The following H2BC17 variants were observed in gnomAD, a reference collection of about 807,000 sequenced individuals.
H2BC17 encodes the protein histone H2B type 1-O.
Under a neutral mutation model 6.1 loss-of-function variants are expected in H2BC17, and 11 were observed. The ratio of observed to expected loss-of-function variants is 1.79; its 90% confidence interval spans 1.13 to 2.97. H2BC17 has a LOEUF of 2.97. Ranked by LOEUF, H2BC17 falls within the 30% of genes most tolerant of loss-of-function variation. The pLI is 0.00. For synonymous variants in H2BC17, 103 were observed against 74.5 expected, an observed-to-expected ratio of 1.38 and a Z score of -1.97; for missense variants, 171 against 171.6, an observed-to-expected ratio of 1.00 and a Z score of 0.02.
At position 27,893,746 on chromosome 6, in the gene H2BC17, T is replaced by C. The variant is rs1414637178; in HGVS notation, c.284T>C (p.Ile95Thr). ...CGCTCGACCATCACCTCCAGGGAGA[T>C]CCAGACGGCCGTGCGCCTGCTGCTG... is the stretch of plus-strand genomic sequence containing the variant. Reference protein sequence around the residue: ...NKRSTITSREIQTAVRLLLPG... With the variant: ...NKRSTITSRETQTAVRLLLPG... The change falls in exon 1 of 1, where the codon ATC (isoleucine) becomes ACC (threonine). Residue 95 changes from isoleucine to threonine, a missense_variant. By Grantham distance (89) the Ile-to-Thr change is moderately conservative. Transcript: ENST00000616182. 1 of 1,614,214 alleles carries C rather than the reference T, an allele frequency of 6.2e-7. No homozygotes were observed. The highest frequency in any genetic ancestry group is 1.1e-5 in the South Asian group (1 of 91,088).
Position 27,893,482 on chromosome 6 carries a change from C to G in H2BC17, c.20C>G (p.Ser7Cys), listed in dbSNP as rs1178113641. ...TCCGCCATGCCCGACCCGGCTAAAT[C>G]TGCTCCTGCCCCCAAAAAGGGCTCC... MPDPAK[S>C]APAPKKGSKK... The change falls in exon 1 of 1, where the codon TCT becomes TGT. Residue 7 changes from serine to cysteine, a missense_variant. By Grantham distance (112) the Ser-to-Cys change is moderately radical (BLOSUM62 -1). Transcript: ENST00000616182. 2 of 1,609,548 alleles carry G rather than the reference C, an allele frequency of 1.2e-6. No homozygotes were observed. The highest frequency in any genetic ancestry group is 3.4e-5 in the Admixed American group (2 of 59,408).
Position 27,893,550 on chromosome 6 carries a change from C to A in H2BC17, c.88C>A (p.Arg30Ser). 6.2e-7 allele frequency: 1 copy of A among 1,614,222 alleles called. No individual in the cohort carries two copies. The highest frequency in any genetic ancestry group is 8.5e-7 in the Non-Finnish European group (1 of 1,180,044). Residue 30 changes from arginine (R) to serine (S), a missense_variant, in exon 1 of 1, where the codon CGC (arginine) becomes AGC (serine). By Grantham distance (110) the Arg-to-Ser change is moderately radical. Transcript: ENST00000616182. The stretch of plus-strand genomic sequence containing the variant: ...GGCCCAGAAAAAGGACGGCAAGAAG[C>A]GCAAGCGCAGCCGCAAAGAGAGTTA... ...TKAQKKDGKK[R>S]KRSRKESYSI...
In H2BC17 at chr6:27,893,453, C is replaced by T. The variant is rs140123204; in HGVS notation, c.-10C>T. On this transcript the variant is annotated 5_prime_UTR_variant, in exon 1 of 1. Coordinates refer to ENST00000616182, the MANE Select transcript of H2BC17 (RefSeq NM_003527.4). ...CTTGTTATTTGAGTGCTCTTTCACTCTCCTCCGCCATGCCCGACCCGGCTA... is the reference window on the plus strand; with the variant it reads ...CTTGTTATTTGAGTGCTCTTTCACTTTCCTCCGCCATGCCCGACCCGGCTA... 106 of 1,590,142 alleles carry T rather than the reference C, an allele frequency of 6.7e-5. 2 individuals carry two copies. Among genetic ancestry groups the T allele is most frequent in the African/African-American group, 4.3e-4 (32 of 74,068 alleles).
chr6:27,893,701 G>T lies in H2BC17; in HGVS notation c.239G>T (p.Arg80Leu). Residue 80 changes from arginine to leucine, a missense_variant, in exon 1 of 1, where the codon CGC (arginine) becomes CTC (leucine). Coordinates refer to ENST00000616182, the MANE Select transcript of H2BC17 (RefSeq NM_003527.4). ...IFERIAGEASRLAHYNKRSTI... is the reference protein window; with the variant it reads ...IFERIAGEASLLAHYNKRSTI... ...GAGCGCATCGCTGGCGAGGCTTCCC[G>T]CCTGGCGCATTACAACAAGCGCTCG... 4 of 1,614,246 alleles carry T rather than the reference G, an allele frequency of 2.5e-6. No individual in the cohort carries two copies. The East Asian group carries it at 8.9e-5, about 36-fold the overall frequency.
At position 27,893,516 on chromosome 6, in the gene H2BC17, C is replaced by A. The variant is rs769861263; in HGVS notation, c.54C>A (p.Ala18=). 1 of 1,613,828 alleles carries A rather than the reference C, an allele frequency of 6.2e-7. No homozygotes were observed. The highest frequency in any genetic ancestry group is 1.7e-5 in the Admixed American group (1 of 59,944). The stretch of plus-strand genomic sequence containing the variant: ...CCCCCAAAAAGGGCTCCAAGAAAGC[C>A]GTAACCAAGGCCCAGAAAAAGGACG... ...APAPKKGSKK[A]VTKAQKKDGK... Residue 18 remains alanine, a synonymous_variant, in exon 1 of 1, where the codon GCC becomes GCA. Coordinates refer to ENST00000616182, the MANE Select transcript of H2BC17 (RefSeq NM_003527.4).
Position 27,893,843 on chromosome 6 carries a change from AGCTCTC to A in H2BC17, c.*3_*8del, listed in dbSNP as rs781209849. The A allele has an allele frequency of 6.2e-7, 1 of 1,614,188 alleles. No individual in the cohort carries two copies. Among genetic ancestry groups the A allele is most frequent in the Admixed American group, 1.7e-5 (1 of 60,022 alleles). On this transcript the variant is annotated 3_prime_UTR_variant, in exon 1 of 1. Coordinates refer to ENST00000616182, the MANE Select transcript of H2BC17 (RefSeq NM_003527.4). Reference sequence around the variant, plus strand: ...TCACCAAGTACACCAGCTCCAAGTGAGCTCTCGCAGCTGCCAGCAATCCAAAGGCTC... The same window carrying A: ...TCACCAAGTACACCAGCTCCAAGTGAGCAGCTGCCAGCAATCCAAAGGCTC...
Position 27,893,701 on chromosome 6 carries a change from G to A in H2BC17, c.239G>A (p.Arg80His), listed in dbSNP as rs760156675. 6.2e-7 allele frequency: 1 copy of A among 1,614,128 alleles called. No individual in the cohort carries two copies. Among genetic ancestry groups the A allele is most frequent in the Non-Finnish European group, 8.5e-7 (1 of 1,180,054 alleles). The part of the protein sequence containing the change: ...IFERIAGEAS[R>H]LAHYNKRSTI... Reference sequence around the variant, plus strand: ...GAGCGCATCGCTGGCGAGGCTTCCCGCCTGGCGCATTACAACAAGCGCTCG... The same window carrying A: ...GAGCGCATCGCTGGCGAGGCTTCCCACCTGGCGCATTACAACAAGCGCTCG... The change falls in exon 1 of 1, where the codon CGC (arginine) becomes CAC (histidine). Residue 80 changes from arginine (R) to histidine (H), a missense_variant. Arg to His is a conservative substitution (Grantham distance 29). Transcript: ENST00000616182.
At position 27,893,493 on chromosome 6, in the gene H2BC17, C is replaced by T. The variant is rs749061095; in HGVS notation, c.31C>T (p.Pro11Ser). ...CGACCCGGCTAAATCTGCTCCTGCC[C>T]CCAAAAAGGGCTCCAAGAAAGCCGT... MPDPAKSAPA[P>S]KKGSKKAVTK... Residue 11 changes from proline to serine, a missense_variant, in exon 1 of 1, where the codon CCC becomes TCC. Physicochemically the swap from Pro to Ser is moderately conservative, Grantham distance 74. Transcript: ENST00000616182. 1.2e-6 allele frequency: 2 copies of T among 1,611,880 alleles called. No homozygotes were observed. The highest frequency in any genetic ancestry group is 1.7e-6 in the Non-Finnish European group (2 of 1,178,992).
chr6:27,893,828 C>A lies in H2BC17; in HGVS notation c.366C>A (p.Tyr122Ter). ...VSEGTKAVTK[Y>*]TSSK Reference sequence around the variant, plus strand: ...AGGGCACAAAGGCCGTCACCAAGTACACCAGCTCCAAGTGAGCTCTCGCAG... The same window carrying A: ...AGGGCACAAAGGCCGTCACCAAGTAAACCAGCTCCAAGTGAGCTCTCGCAG... The change falls in exon 1 of 1, where the codon TAC (tyrosine) becomes TAA (stop). Residue 122 changes from tyrosine to a stop codon, truncating the protein, a stop_gained. Coordinates refer to ENST00000616182, the MANE Select transcript of H2BC17 (RefSeq NM_003527.4). LOFTEE classifies it high-confidence loss of function. 6.2e-7 allele frequency: 1 copy of A among 1,614,246 alleles called. No homozygotes were observed. The highest frequency in any genetic ancestry group is 8.5e-7 in the Non-Finnish European group (1 of 1,180,044).
rs200586052 is a variant in H2BC17, at chr6:27,893,487, C to T, written c.25C>T (p.Pro9Ser). The T allele has an allele frequency of 1.1e-5, 17 of 1,611,070 alleles. No individual in the cohort carries two copies. In the South Asian group the frequency reaches 1.3e-4, roughly 13 times the overall value. Residue 9 changes from proline to serine, a missense_variant, in exon 1 of 1, where the codon CCT becomes TCT. By Grantham distance (74) the Pro-to-Ser change is moderately conservative (BLOSUM62 -1). Transcript: ENST00000616182. Reference protein sequence around the residue: MPDPAKSAPAPKKGSKKAV... With the variant: MPDPAKSASAPKKGSKKAV... ...CATGCCCGACCCGGCTAAATCTGCT[C>T]CTGCCCCCAAAAAGGGCTCCAAGAA...
At position 27,893,879 on chromosome 6, in the gene H2BC17, C is replaced by T; in HGVS notation, c.*36C>T. The T allele has an allele frequency of 6.2e-7, 1 of 1,612,772 alleles. No individual in the cohort carries two copies. Among genetic ancestry groups the T allele is most frequent in the Non-Finnish European group, 8.5e-7 (1 of 1,179,390 alleles). On this transcript the variant is annotated 3_prime_UTR_variant, in exon 1 of 1. Transcript: ENST00000616182. ...CTGCCAGCAATCCAAAGGCTCTTTTCAGAGCCACTCACGCTTCCAGAGAAA... is the reference window on the plus strand; with the variant it reads ...CTGCCAGCAATCCAAAGGCTCTTTTTAGAGCCACTCACGCTTCCAGAGAAA...
rs1761940885 is a variant in H2BC17, at chr6:27,893,567, A to G, written c.105A>G (p.Lys35=). The G allele has an allele frequency of 6.2e-7, 1 of 1,614,110 alleles. No homozygotes were observed. The highest frequency in any genetic ancestry group is 1.3e-5 in the African/African-American group (1 of 75,060). Residue 35 remains lysine, a synonymous_variant, in exon 1 of 1, where the codon AAA becomes AAG. Transcript: ENST00000616182. The stretch of plus-strand genomic sequence containing the variant: ...GCAAGAAGCGCAAGCGCAGCCGCAA[A>G]GAGAGTTACTCTATCTACGTGTACA... ...KDGKKRKRSR[K]ESYSIYVYKV...
chr6:27,893,774 CGGGGAG>C lies in H2BC17; in HGVS notation c.313_318del (p.Gly105_Glu106del). ...AGACGGCCGTGCGCCTGCTGCTGCCCGGGGAGCTGGCCAAGCACGCCGTGTCCGAGG... is the reference window on the plus strand; with the variant it reads ...AGACGGCCGTGCGCCTGCTGCTGCCCCTGGCCAAGCACGCCGTGTCCGAGG... On this transcript the variant is annotated inframe_deletion, in exon 1 of 1. Coordinates refer to ENST00000616182, the MANE Select transcript of H2BC17 (RefSeq NM_003527.4). The C allele has an allele frequency of 6.2e-7, 1 of 1,614,242 alleles. No homozygotes were observed. Among genetic ancestry groups the C allele is most frequent in the Admixed American group, 1.7e-5 (1 of 60,032 alleles).
In H2BC17 at chr6:27,893,436, T is replaced by C. The variant is rs761086497; in HGVS notation, c.-27T>C. 19 of 1,565,552 alleles carry C rather than the reference T, an allele frequency of 1.2e-5. No homozygotes were observed. The South Asian group carries it at 2.3e-4, about 19-fold the overall frequency. Reference sequence around the variant, plus strand: ...CCCAGCTTGTCCTCATTCTTGTTATTTGAGTGCTCTTTCACTCTCCTCCGC... The same window carrying C: ...CCCAGCTTGTCCTCATTCTTGTTATCTGAGTGCTCTTTCACTCTCCTCCGC... On this transcript the variant is annotated 5_prime_UTR_variant, in exon 1 of 1. Coordinates refer to ENST00000616182, the MANE Select transcript of H2BC17 (RefSeq NM_003527.4).
In H2BC17 at chr6:27,893,525, G is replaced by C. The variant is rs767028565; in HGVS notation, c.63G>C (p.Lys21Asn). The C allele has an allele frequency of 2.5e-6, 4 of 1,613,972 alleles. No individual in the cohort carries two copies. Among genetic ancestry groups the C allele is most frequent in the Non-Finnish European group, 3.4e-6 (4 of 1,179,992 alleles). Residue 21 changes from lysine to asparagine, a missense_variant, in exon 1 of 1, where the codon AAG (lysine) becomes AAC (asparagine). Coordinates refer to ENST00000616182, the MANE Select transcript of H2BC17 (RefSeq NM_003527.4). ...AGGGCTCCAAGAAAGCCGTAACCAA[G>C]GCCCAGAAAAAGGACGGCAAGAAGC... The part of the protein sequence containing the change: ...PKKGSKKAVT[K>N]AQKKDGKKRK...
chr6:27,893,861 C>A lies in H2BC17; in HGVS notation c.*18C>A. 1.2e-6 allele frequency: 2 copies of A among 1,614,112 alleles called. No individual in the cohort carries two copies. The highest frequency in any genetic ancestry group is 1.1e-5 in the South Asian group (1 of 91,074). On this transcript the variant is annotated 3_prime_UTR_variant, in exon 1 of 1. Transcript: ENST00000616182. Reference sequence around the variant, plus strand: ...CCAAGTGAGCTCTCGCAGCTGCCAGCAATCCAAAGGCTCTTTTCAGAGCCA... The same window carrying A: ...CCAAGTGAGCTCTCGCAGCTGCCAGAAATCCAAAGGCTCTTTTCAGAGCCA...
At position 27,893,460 on chromosome 6, in the gene H2BC17, G is replaced by T. The variant is rs1761936879; in HGVS notation, c.-3G>T. ...TTTGAGTGCTCTTTCACTCTCCTCC[G>T]CCATGCCCGACCCGGCTAAATCTGC... On this transcript the variant is annotated 5_prime_UTR_variant, in exon 1 of 1. Transcript: ENST00000616182. The T allele has an allele frequency of 1.9e-6, 3 of 1,597,816 alleles. No individual in the cohort carries two copies. The highest frequency in any genetic ancestry group is 1.1e-5 in the South Asian group (1 of 88,766).
At position 27,893,676 on chromosome 6, in the gene H2BC17, G is replaced by C; in HGVS notation, c.214G>C (p.Glu72Gln). Residue 72 changes from glutamate to glutamine, a missense_variant, in exon 1 of 1, where the codon GAG becomes CAG. Transcript: ENST00000616182. Reference sequence around the variant, plus strand: ...GAACTCCTTCGTCAATGACATCTTTGAGCGCATCGCTGGCGAGGCTTCCCG... The same window carrying C: ...GAACTCCTTCGTCAATGACATCTTTCAGCGCATCGCTGGCGAGGCTTCCCG... Reference protein sequence around the residue: ...IMNSFVNDIFERIAGEASRLA... With the variant: ...IMNSFVNDIFQRIAGEASRLA... The C allele has an allele frequency of 6.2e-7, 1 of 1,614,244 alleles. No homozygotes were observed. The highest frequency in any genetic ancestry group is 8.5e-7 in the Non-Finnish European group (1 of 1,180,042).
Position 27,893,608 on chromosome 6 carries a change from T to C in H2BC17, c.146T>C (p.Val49Ala). The change falls in exon 1 of 1, where the codon GTC becomes GCC. Residue 49 changes from valine to alanine, a missense_variant. By Grantham distance (64) the Val-to-Ala change is moderately conservative. Coordinates refer to ENST00000616182, the MANE Select transcript of H2BC17 (RefSeq NM_003527.4). ...TACGTGTACAAGGTGCTGAAGCAAGTCCACCCCGACACCGGCATCTCATCG... is the reference window on the plus strand; with the variant it reads ...TACGTGTACAAGGTGCTGAAGCAAGCCCACCCCGACACCGGCATCTCATCG... ...SIYVYKVLKQ[V>A]HPDTGISSKA... The C allele has an allele frequency of 6.2e-7, 1 of 1,614,174 alleles. No homozygotes were observed. The highest frequency in any genetic ancestry group is 8.5e-7 in the Non-Finnish European group (1 of 1,180,028).
Sources: allele counts gnomAD v4.1 joint callset, GRCh38; gene constraint gnomAD v4.1.1; transcripts MANE v1.5; gene names NCBI Gene and HGNC (gene_info 2026-07-23, HGNC 2026-07-21).